The following CCDC32 variants were observed in gnomAD, a reference collection of about 807,000 sequenced individuals.
The protein encoded by CCDC32 is coiled-coil domain-containing protein 32.
CCDC32 carries 9 observed loss-of-function variants against 20.1 expected under a neutral mutation model. That is an observed-to-expected ratio of 0.45 (90% CI 0.27 to 0.78). CCDC32 has a LOEUF of 0.78. Ranked by LOEUF, CCDC32 falls within the 30% of genes least tolerant of loss-of-function variation. The pLI is 0.16. For synonymous variants in CCDC32, 63 were observed against 79.0 expected (o/e 0.80, Z 1.07); for missense variants, 204 against 215.5 (o/e 0.95, Z 0.33).
At chr15:40,542,990 TAAA>T (rs34164113) in intron 3 of CCDC32, among the ~76,000 whole-genome samples, 4 of 145,228 alleles carry the variant, frequency 2.8e-5, no homozygotes, top group Admixed American at 6.9e-5. Context: ...AGACTTTTCT[TAAA>T]AAAAAAAAAA....
intron 3 of CCDC32, among the ~76,000 whole-genome samples, chr15:40,541,432 A>G (rs965199044): frequency 6.6e-6 from 1 of 151,830 alleles, no homozygotes; most frequent in African/African-American, 2.4e-5. Flanking sequence ...TCCCGGGTTC[A>G]AGCAATTCTC....
chr15:40,535,928 A>T (rs1048788500), downstream of CCDC32: 1 of 152,368 alleles, frequency 6.6e-6, no homozygotes, highest in African/African-American at 2.4e-5. Context: ...CTTGACTGCT[A>T]AGCCAAGGAC....
chr15:40,557,078 T>A (rs935105503), intron 3 of CCDC32, 138 bp downstream of exon 3: 2 of 932,936 alleles, frequency 2.1e-6, no homozygotes, highest in African/African-American at 3.3e-5. Flanking sequence ...CTCTATTCAA[T>A]CTGTGACCAA....
rs763332635 is a variant in CCDC32, at chr15:40,557,287, T to C, written c.330A>G (p.Glu110=). The change falls in exon 3 of 4, where the codon GAA becomes GAG. Residue 110 remains glutamate (E), a synonymous_variant. Coordinates refer to ENST00000416810, the MANE Select transcript of CCDC32 (RefSeq NM_001080792.4). ...MLRTLAQAKK[E]CWDRFLQEKL... ...TCTCCTGGAGGAACCGATCCCAGCA[T>C]TCCTTCTTGGCTTGGGCCAGAGTTC... The C allele has an allele frequency of 1.2e-5, 20 of 1,614,236 alleles. No homozygotes were observed. In the Admixed American group the frequency reaches 3.3e-4, roughly 27 times the overall value.
At chr15:40,546,193 C>CA (rs1889610286) in intron 3 of CCDC32, among the ~76,000 whole-genome samples, 1 of 141,682 alleles carries the variant, frequency 7.1e-6, no homozygotes. Context: ...TTTTTCTTTC[C>CA]TTTTTTTTTT....
downstream of CCDC32, chr15:40,535,220 C>CTT (rs756000404): frequency 7.8e-6 from 11 of 1,417,238 alleles, no homozygotes; most frequent in Non-Finnish European, 1.0e-5. Context: ...GGGGAGGCCA[C>CTT]TTAGGAGACT....
chr15:40,535,162 C>T (rs1889057381), downstream of CCDC32: 38 of 1,128,658 alleles, frequency 3.4e-5, no homozygotes, highest in Non-Finnish European at 4.5e-5. Context: ...GGAAGATTAA[C>T]GTGACGGTGG....
At chr15:40,562,719 C>A in intron 2 of CCDC32, 53 bp downstream of exon 2, 1 of 1,557,594 alleles carries the variant, frequency 6.4e-7, no homozygotes, top group South Asian at 1.2e-5. Context: ...AATAGGAAAC[C>A]AAGTTTGATG....
intron 3 of CCDC32, among the ~76,000 whole-genome samples, chr15:40,554,436 A>C (rs992807905): frequency 1.5e-4 from 22 of 148,010 alleles, no homozygotes; most frequent in Admixed American, 9.6e-4. Context: ...CTAAAGACCT[A>C]AAGATAGGTC....
At chr15:40,564,458 A>G (rs1315261668) in intron 1 of CCDC32, among the ~76,000 whole-genome samples, 1 of 152,036 alleles carries the variant, frequency 6.6e-6, no homozygotes, top group South Asian at 2.1e-4. Flanking sequence ...GCTTGTTTGG[A>G]AAATATAACG....
At chr15:40,555,793 T>A (rs1045974877) in intron 3 of CCDC32, among the ~76,000 whole-genome samples, 2 of 152,252 alleles carry the variant, frequency 1.3e-5, no homozygotes, top group Admixed American at 1.3e-4. Context: ...GATGGGATTC[T>A]CAACACCAAT....
chr15:40,533,385 T>C (rs1162678406), downstream of CCDC32, among the ~76,000 whole-genome samples: 1 of 152,196 alleles, frequency 6.6e-6, no homozygotes, highest in Admixed American at 6.5e-5. Context: ...AGTTTCCCTC[T>C]GTTGCCCAGG....
chr15:40,553,217 GA>G lies in CCDC32; in HGVS notation c.*753del. 1 of 985,428 alleles carries G rather than the reference GA, an allele frequency of 1.0e-6. No individual in the cohort carries two copies. Among genetic ancestry groups the G allele is most frequent in the Non-Finnish European group, 1.2e-6 (1 of 829,928 alleles). 61.0% of individuals were successfully genotyped at this position (985,428 alleles called of 1,614,324 possible). On this transcript the variant is annotated 3_prime_UTR_variant, in exon 4 of 4. Coordinates refer to ENST00000416810, the MANE Select transcript of CCDC32 (RefSeq NM_001080792.4). ...AAGGAAGATGTTTGGAACTATCCAGGAGTAGTGTCAAACACTAACACCATAT... is the reference window on the plus strand; with the variant it reads ...AAGGAAGATGTTTGGAACTATCCAGGGTAGTGTCAAACACTAACACCATAT...
At chr15:40,529,431 A>G (rs1283285592) in intron 3 of CCDC32, 1 of 152,270 alleles carries the variant, frequency 6.6e-6, no homozygotes, top group Non-Finnish European at 1.5e-5. Flanking sequence ...TTATATGCAG[A>G]GAGAAAAAGC....
the CCDC32 span, among the ~76,000 whole-genome samples, chr15:40,521,945 C>T: frequency 6.6e-6 from 1 of 152,148 alleles, no homozygotes; most frequent in Non-Finnish European, 1.5e-5. Context: ...CTTTGAAGCA[C>T]CAAAATTTAT....
chr15:40,541,094 C>T (rs774693333), intron 3 of CCDC32, among the ~76,000 whole-genome samples: 17 of 152,334 alleles, frequency 1.1e-4, no homozygotes, highest in South Asian at 4.1e-4. Flanking sequence ...CGCGCTGCCT[C>T]ACATCCCTCC....
downstream of CCDC32, among the ~76,000 whole-genome samples, chr15:40,524,959 G>T (rs568193271): frequency 6.3e-4 from 95 of 151,158 alleles, no homozygotes; most frequent in African/African-American, 2.2e-3. Flanking sequence ...AACTCCTGGG[G>T]CTCAAGCATT....
chr15:40,525,406 G>T (rs568253707), downstream of CCDC32, among the ~76,000 whole-genome samples: 1 of 150,698 alleles, frequency 6.6e-6, no homozygotes, highest in East Asian at 2.0e-4. Context: ...TAGGTAATCC[G>T]CCCGCCTCAG....
downstream of CCDC32, among the ~76,000 whole-genome samples, chr15:40,533,911 T>G (rs2959536): frequency 0.48 from 72,532 of 151,910 alleles, 19,506 homozygotes; most frequent in East Asian, 0.75. Flanking sequence ...TTACAATATG[T>G]TCTCGCTATG....
Sources: allele counts gnomAD v4.1 joint callset (sites outside exome capture counted in the v4.1 genomes callset), GRCh38; gene constraint gnomAD v4.1.1; transcripts MANE v1.5; gene names NCBI Gene and HGNC (gene_info 2026-07-23, HGNC 2026-07-21).